The following NRXN3 variants were observed in gnomAD, a reference collection of about 807,000 sequenced individuals.
NRXN3 encodes neurexin 3, also known as neurexin III.
NRXN3 carries 32 observed loss-of-function variants against 137.6 expected under a neutral mutation model. The ratio of observed to expected loss-of-function variants is 0.23; its 90% CI spans 0.18 to 0.31. The LOEUF (loss-of-function observed/expected upper bound fraction) is 0.31. Ranked by LOEUF, NRXN3 falls within the 10% of genes least tolerant of loss-of-function variation. The pLI, the probability that NRXN3 is intolerant of heterozygous loss-of-function variation, is 1.00. For missense variants in NRXN3, 1,574 were observed against 2,062.5 expected (o/e 0.76, Z 4.59); for synonymous variants, 798 against 784.5 (o/e 1.02, Z -0.29).
chr14:79,803,554 C>A (rs2099190263), intron 19 of NRXN3, among the ~76,000 whole-genome samples: 1 of 152,056 alleles, frequency 6.6e-6, no homozygotes, highest in African/African-American at 2.4e-5. Context: ...AGGGCTCATC[C>A]TAATGCTTCA....
chr14:78,326,643 G>A (rs570249347), intron 4 of NRXN3, among the ~76,000 whole-genome samples: 1 of 152,280 alleles, frequency 6.6e-6, no homozygotes, highest in Admixed American at 6.5e-5. Context: ...GGACATCCAG[G>A]AGCAGAAGTA....
chr14:79,057,937 G>A (rs1017178805), intron 15 of NRXN3, among the ~76,000 whole-genome samples: 1 of 152,136 alleles, frequency 6.6e-6, no homozygotes, highest in African/African-American at 2.4e-5. Context: ...GACTAGGAGT[G>A]ATAATTGATG....
chr14:79,244,703 G>T (rs2074897559), intron 15 of NRXN3, among the ~76,000 whole-genome samples: 2 of 152,084 alleles, frequency 1.3e-5, no homozygotes, highest in African/African-American at 4.8e-5. Context: ...AGACCTTCCT[G>T]CAAACCCATT....
At chr14:79,120,820 A>G (rs1283909518) in intron 15 of NRXN3, among the ~76,000 whole-genome samples, 2 of 152,214 alleles carry the variant, frequency 1.3e-5, no homozygotes, top group Non-Finnish European at 2.9e-5. Context: ...AATCTTGCAT[A>G]CACAGCATAT....
At chr14:78,901,069 C>T (rs1299812399) in intron 10 of NRXN3, among the ~76,000 whole-genome samples, 1 of 152,100 alleles carries the variant, frequency 6.6e-6, no homozygotes, top group East Asian at 1.9e-4. Context: ...TCACCTACCT[C>T]CCAGCAAAAA....
intron 20 of NRXN3, among the ~76,000 whole-genome samples, chr14:79,806,649 C>T (rs2099206478): frequency 6.6e-6 from 1 of 151,392 alleles, no homozygotes; most frequent in Non-Finnish European, 1.5e-5. Context: ...TTCATTCATT[C>T]ATTCAATAAA....
intron 6 of NRXN3, among the ~76,000 whole-genome samples, chr14:78,702,872 G>T (rs1394327166): frequency 6.6e-6 from 1 of 152,172 alleles, no homozygotes; most frequent in South Asian, 2.1e-4. Flanking sequence ...CAGAAACTAT[G>T]TGAAGTACTT....
intron 16 of NRXN3, among the ~76,000 whole-genome samples, chr14:79,471,204 T>G (rs2153621802): frequency 6.6e-6 from 1 of 152,252 alleles, no homozygotes; most frequent in Non-Finnish European, 1.5e-5. Flanking sequence ...GCACCCACTC[T>G]AGAATAGCCC....
At chr14:78,761,988 G>T (rs139416200) in intron 8 of NRXN3, among the ~76,000 whole-genome samples, 1 of 152,154 alleles carries the variant, frequency 6.6e-6, no homozygotes, top group Non-Finnish European at 1.5e-5. Flanking sequence ...TTTACAGATA[G>T]GGAAATTGAG....
chr14:78,650,520 G>A (rs1481249451), intron 5 of NRXN3, among the ~76,000 whole-genome samples: 4 of 151,992 alleles, frequency 2.6e-5, no homozygotes, highest in African/African-American at 9.7e-5. Flanking sequence ...TGGAGGTGGT[G>A]ATGGGAGCCA....
intron 4 of NRXN3, among the ~76,000 whole-genome samples, chr14:78,395,300 T>C (rs768559751): frequency 2.0e-5 from 3 of 151,970 alleles, no homozygotes; most frequent in Non-Finnish European, 4.4e-5. Flanking sequence ...TTTTGACTTA[T>C]ATATTATTTA....
chr14:78,974,840 G>A (rs2099458537), intron 14 of NRXN3, among the ~76,000 whole-genome samples: 2 of 152,150 alleles, frequency 1.3e-5, no homozygotes, highest in East Asian at 3.9e-4. Context: ...TTACCATGAA[G>A]TATGAAGGGT....
At chr14:78,486,440 C>A (rs1031175063) in intron 4 of NRXN3, among the ~76,000 whole-genome samples, 1 of 152,112 alleles carries the variant, frequency 6.6e-6, no homozygotes, top group African/African-American at 2.4e-5. Context: ...CAGTCTTTGC[C>A]TTTGGTTTTT....
intron 16 of NRXN3, among the ~76,000 whole-genome samples, chr14:79,620,443 T>C (rs562413513): frequency 6.6e-6 from 1 of 152,140 alleles, no homozygotes; most frequent in East Asian, 1.9e-4. Flanking sequence ...TGGATGAGAA[T>C]AGGGTGAGTG....
At chr14:79,792,624 T>A (rs2099148826) in intron 19 of NRXN3, among the ~76,000 whole-genome samples, 1 of 152,038 alleles carries the variant, frequency 6.6e-6, no homozygotes, top group Non-Finnish European at 1.5e-5. Flanking sequence ...AGAGGCAGAG[T>A]GTAAATTAAA....
At chr14:79,349,547 C>T (rs1301162518) in intron 15 of NRXN3, among the ~76,000 whole-genome samples, 2 of 12,352 alleles carry the variant, frequency 1.6e-4, no homozygotes, top group East Asian at 8.1e-3. Flanking sequence ...AAAAAAAATA[C>T]ACACACACAC....
intron 16 of NRXN3, among the ~76,000 whole-genome samples, chr14:79,569,695 G>C (rs996453564): frequency 3.3e-5 from 5 of 151,610 alleles, no homozygotes; most frequent in African/African-American, 1.2e-4. Context: ...TGCAACCTCC[G>C]TCTCCCGGGT....
intron 8 of NRXN3, among the ~76,000 whole-genome samples, chr14:78,776,922 A>C (rs1490311951): frequency 1.3e-5 from 2 of 152,176 alleles, no homozygotes; most frequent in Non-Finnish European, 2.9e-5. Context: ...AGGGAATAAG[A>C]ATGCATTTTT....
intron 4 of NRXN3, among the ~76,000 whole-genome samples, chr14:78,319,001 C>T (rs575814628): frequency 6.6e-6 from 1 of 152,242 alleles, no homozygotes; most frequent in African/African-American, 2.4e-5. Context: ...TTTTAACAAA[C>T]TCCCAAGGGA....
Sources: allele counts gnomAD v4.1 joint callset (sites outside exome capture counted in the v4.1 genomes callset), GRCh38; gene constraint gnomAD v4.1.1; transcripts MANE v1.5; gene names NCBI Gene and HGNC (gene_info 2026-07-23, HGNC 2026-07-21).